The following DHX38 variants were observed in gnomAD, a reference collection of about 807,000 sequenced individuals.
DHX38 encodes pre-mRNA-splicing factor ATP-dependent RNA helicase PRP16.
In DHX38, 100 loss-of-function variants were observed where a neutral mutation model predicts 153.1. That is an observed-to-expected ratio of 0.65 (90% CI 0.56 to 0.77). The LOEUF (loss-of-function observed/expected upper bound fraction) is 0.77, where lower values mean the gene tolerates loss of function less well. Among genes scored for constraint, DHX38 ranks in the 30% least tolerant of loss-of-function variants. The pLI is 0.00. For synonymous variants in DHX38, 650 were observed against 631.7 expected (o/e 1.03, Z -0.43); for missense variants, 1,440 against 1,654.0 (o/e 0.87, Z 2.24).
At chr16:72,101,365 A>G in intron 10 of DHX38, 135 bp from the exon 11 acceptor site, 1 of 1,149,118 alleles carries the variant, frequency 8.7e-7, no homozygotes, top group Non-Finnish European at 1.2e-6. Flanking sequence ...TGAGGATTGG[A>G]ATGTGGCTCG....
chr16:72,112,357 C>T (rs2042267466), intron 26 of DHX38, 56 bp from the exon 27 acceptor site: 8 of 1,567,578 alleles, frequency 5.1e-6, no homozygotes, highest in African/African-American at 1.3e-5. Context: ...TCCTCCTGCC[C>T]TCCTGGCTGT....
At chr16:72,103,816 T>G in intron 13 of DHX38, 28 bp downstream of exon 13, 1 of 1,602,460 alleles carries the variant, frequency 6.2e-7, no homozygotes, top group Non-Finnish European at 8.5e-7. Flanking sequence ...CTGAGCCATG[T>G]AGTTATTCCC....
chr16:72,105,823 C>T (rs1298436418), intron 18 of DHX38, among the ~76,000 whole-genome samples, 182 bp from the exon 19 acceptor site: 3 of 152,206 alleles, frequency 2.0e-5, no homozygotes, highest in Non-Finnish European at 4.4e-5. Context: ...GATAATTTAA[C>T]AGTAGAGCTC....
At chr16:72,102,976 A>T in intron 11 of DHX38, 98 bp from the exon 12 acceptor site, 1 of 1,512,130 alleles carries the variant, frequency 6.6e-7, no homozygotes, top group Non-Finnish European at 8.9e-7. Context: ...CTCTTGCCGA[A>T]GTCCTCATTC....
At chr16:72,108,715 T>C in intron 23 of DHX38, 85 bp from the exon 24 acceptor site, 1 of 1,590,658 alleles carries the variant, frequency 6.3e-7, no homozygotes, top group South Asian at 1.1e-5. Context: ...CGCCAAAGGC[T>C]GTGTCAAGAG....
At chr16:72,099,330 A>G in intron 7 of DHX38, 50 bp downstream of exon 7, 3 of 1,500,926 alleles carry the variant, frequency 2.0e-6, no homozygotes, top group South Asian at 2.6e-5. Flanking sequence ...GGCCGTCTGT[A>G]GATGGGTGAC....
chr16:72,109,495 G>A lies in DHX38; in HGVS notation c.3462G>A (p.Ala1154=), dbSNP rs191887000. The A allele has an allele frequency of 7.4e-6, 12 of 1,612,112 alleles. No homozygotes were observed. The Admixed American group carries it at 8.4e-5, about 11-fold the overall frequency. ...CCATGTTCTATAGCGTGAAACAGGCGGGCAAGTCACGGCAGGTGAGGATTC... is the reference window on the plus strand; with the variant it reads ...CCATGTTCTATAGCGTGAAACAGGCAGGCAAGTCACGGCAGGTGAGGATTC... ...LGPMFYSVKQ[A]GKSRQENRRR... is the part of the protein sequence containing the mutation. The change falls in exon 25 of 27, where the codon GCG becomes GCA. Residue 1154 remains alanine (A), a synonymous_variant. Transcript: ENST00000268482.
rs2144145833 is a variant in DHX38 at position 72,101,167 on chromosome 16, C to T, written c.1360C>T (p.His454Tyr). 4 of 1,614,278 alleles carry T rather than the reference C, an allele frequency of 2.5e-6. No individual in the cohort carries two copies. The highest frequency in any genetic ancestry group is 3.4e-6 in the Non-Finnish European group (4 of 1,180,056). The change falls in exon 10 of 27, where the codon CAC (histidine) becomes TAC (tyrosine). Residue 454 changes from histidine to tyrosine, a missense_variant. Coordinates refer to ENST00000268482, the MANE Select transcript of DHX38 (RefSeq NM_014003.4). ...ARKGSQTVRK[H>Y]REQKERKKAQ... ...GAAAGGCAGCCAGACAGTGCGGAAGCACAGGGAGCAGAAGGAGCGCAAGAA... is the reference window on the plus strand; with the variant it reads ...GAAAGGCAGCCAGACAGTGCGGAAGTACAGGGAGCAGAAGGAGCGCAAGAA...
At chr16:72,105,210 C>T in intron 16 of DHX38, 22 bp from the exon 17 acceptor site, 1 of 1,613,924 alleles carries the variant, frequency 6.2e-7, no homozygotes. Flanking sequence ...CAGTGTCTCA[C>T]AGCTCCTCCC....
In DHX38 at chr16:72,103,621, G is replaced by A. The variant is rs1458012762; in HGVS notation, c.1657G>A (p.Val553Met). 9 of 1,609,498 alleles carry A rather than the reference G, an allele frequency of 5.6e-6. No individual in the cohort carries two copies. The highest frequency in any genetic ancestry group is 3.3e-4 in the Middle Eastern group (2 of 6,058). The change falls in exon 13 of 27, where the codon GTG becomes ATG. Residue 553 changes from valine to methionine, a missense_variant. Physicochemically the swap from Val to Met is conservative, Grantham distance 21. This residue lies in a region of DHX38 where 241 missense variants were observed against 229.5 expected (regional missense o/e 1.05). Coordinates refer to ENST00000268482, the MANE Select transcript of DHX38 (RefSeq NM_014003.4). ...TTGTAGAGACAACAGCATCGTGATCGTGGTTGGGGAGACGGGGAGTGGTAA... is the reference window on the plus strand; with the variant it reads ...TTGTAGAGACAACAGCATCGTGATCATGGTTGGGGAGACGGGGAGTGGTAA... Reference protein sequence around the residue: ...TIIRDNSIVIVVGETGSGKTT... With the variant: ...TIIRDNSIVIMVGETGSGKTT...
At position 72,108,932 on chromosome 16, in the gene DHX38, C is replaced by A; in HGVS notation, c.3381+7C>A. ...GTTGGTCATGACCACCAAGGTGAGTCTTTTCCAAGGCACTTGCATAATGCA... is the reference window on the plus strand; with the variant it reads ...GTTGGTCATGACCACCAAGGTGAGTATTTTCCAAGGCACTTGCATAATGCA... On this transcript the variant is annotated splice_region_variant and intron_variant, in intron 24 of 26. Transcript: ENST00000268482. 1.3e-6 allele frequency: 2 copies of A among 1,595,162 alleles called. No homozygotes were observed. Among genetic ancestry groups the A allele is most frequent in the South Asian group, 2.3e-5 (2 of 88,132 alleles).
Position 72,104,653 on chromosome 16 carries a change from G to T in DHX38, c.2151+27G>T. On this transcript the variant is annotated intron_variant, in intron 15 of 26. Transcript: ENST00000268482. This position sits in a 1 kb window ranked among gnomAD's most constrained non-coding sequence, Gnocchi z 4.5. ...TATTGAGGCCACCATGTTACGAACT[G>T]ACCCTTCCATGCCACGCACTTCTCT... The T allele has an allele frequency of 6.2e-7, 1 of 1,613,628 alleles. No individual in the cohort carries two copies. The highest frequency in any genetic ancestry group is 1.1e-5 in the South Asian group (1 of 91,044).
intron 9 of DHX38, among the ~76,000 whole-genome samples, chr16:72,100,819 C>T (rs2042089647): frequency 6.6e-6 from 1 of 152,084 alleles, no homozygotes; most frequent in Non-Finnish European, 1.5e-5. Flanking sequence ...TTCAGCTACT[C>T]GGGAGGCTGA....
Position 72,096,367 on chromosome 16 carries a change from CAAG to C in DHX38, c.217_219del (p.Lys73del), listed in dbSNP as rs1485550444. On this transcript the variant is annotated inframe_deletion, in exon 2 of 27. Coordinates refer to ENST00000268482, the MANE Select transcript of DHX38 (RefSeq NM_014003.4). ...GAGAGGAGAAGGACGATGGGGAGGACAAGAAGAAGTCCAAAGTCTCCTCCTACA... is the reference window on the plus strand; with the variant it reads ...GAGAGGAGAAGGACGATGGGGAGGACAAGAAGTCCAAAGTCTCCTCCTACA... 10 of 1,614,142 alleles carry C rather than the reference CAAG, an allele frequency of 6.2e-6. No individual in the cohort carries two copies. In the East Asian group the frequency reaches 8.9e-5, roughly 14 times the overall value.
chr16:72,099,091 T>C, intron 6 of DHX38, 46 bp downstream of exon 6: 1 of 1,608,188 alleles, frequency 6.2e-7, no homozygotes, highest in Non-Finnish European at 8.5e-7. Flanking sequence ...TTGCTTGCCC[T>C]AGCGAGGATG....
chr16:72,101,211 G>A lies in DHX38; in HGVS notation c.1386+18G>A, dbSNP rs377754866. 9.9e-6 allele frequency: 16 copies of A among 1,613,498 alleles called. No homozygotes were observed. Among genetic ancestry groups the A allele is most frequent in the African/African-American group, 5.3e-5 (4 of 74,918 alleles). On this transcript the variant is annotated intron_variant, in intron 10 of 26. Coordinates refer to ENST00000268482, the MANE Select transcript of DHX38 (RefSeq NM_014003.4). ...GCAAGAAGGTTGGTTTCTTGGTTTCGTGGCTGGGAAGTTTATGTGTATTTT... is the reference window on the plus strand; with the variant it reads ...GCAAGAAGGTTGGTTTCTTGGTTTCATGGCTGGGAAGTTTATGTGTATTTT...
In DHX38 at chr16:72,112,489, G is replaced by A. The variant is rs751135658; in HGVS notation, c.3676G>A (p.Gly1226Ser). The A allele has an allele frequency of 6.2e-7, 1 of 1,612,182 alleles. No individual in the cohort carries two copies. Among genetic ancestry groups the A allele is most frequent in the East Asian group, 2.2e-5 (1 of 44,880 alleles). ...CCCTCGCCGCACGCCAGCCCGCTTT[G>A]GTCTGTGAGCTGAGGCTGTCCCCAG... is the stretch of plus-strand genomic sequence containing the variant. The part of the protein sequence containing the change: ...MTPRRTPARF[G>S]L The change falls in exon 27 of 27, where the codon GGT (glycine) becomes AGT (serine). Residue 1226 changes from glycine to serine, a missense_variant. Transcript: ENST00000268482.
intron 1 of DHX38, among the ~76,000 whole-genome samples, chr16:72,095,220 G>C (rs559290873): frequency 5.9e-5 from 9 of 152,324 alleles, no homozygotes; most frequent in African/African-American, 1.9e-4. Context: ...AGAGGAGCTT[G>C]TTCCAACTTG....
At chr16:72,110,163 GATTT>G (rs2042238626) in intron 25 of DHX38, among the ~76,000 whole-genome samples, 1 of 152,182 alleles carries the variant, frequency 6.6e-6, no homozygotes, top group Non-Finnish European at 1.5e-5. Context: ...TCATGACATT[GATTT>G]ATTGGAGCAG....
Sources: allele counts gnomAD v4.1 joint callset (sites outside exome capture counted in the v4.1 genomes callset), GRCh38; gene constraint gnomAD v4.1.1; regional missense constraint gnomAD v4.1.1; non-coding constraint Gnocchi (gnomAD v3.1); transcripts MANE v1.5; gene names NCBI Gene and HGNC (gene_info 2026-07-23, HGNC 2026-07-21).